Variants in ZNF461 observed in about 807,000 individuals in gnomAD.
ZNF461 encodes zinc finger protein 461, also known as gonadotropin-inducible ovarian transcription factor-1.
In ZNF461, 16 loss-of-function variants were observed where a neutral mutation model predicts 18.3. The observed-to-expected ratio is 0.88, with a 90% confidence interval of 0.59 to 1.33. The LOEUF (loss-of-function observed/expected upper bound fraction) is 1.33, where lower values mean the gene tolerates loss of function less well. Ranked by LOEUF, ZNF461 falls within the 40% of genes most tolerant of loss-of-function variation. The probability of loss-of-function intolerance (pLI) is 0.00; values close to 1 mark genes in which losing one functional copy is unlikely to be tolerated. For missense variants in ZNF461, 595 were observed against 669.9 expected, an observed-to-expected ratio of 0.89 and a Z score of 1.23; for synonymous variants, 179 against 216.9, an observed-to-expected ratio of 0.83 and a Z score of 1.54.
intron 2 of ZNF461, among the ~76,000 whole-genome samples, chr19:36,659,633 C>G (rs1403398627): frequency 6.6e-6 from 1 of 152,166 alleles, no homozygotes; most frequent in Non-Finnish European, 1.5e-5. Flanking sequence ...CTGGAGTGAA[C>G]AAAATCTCTA....
In ZNF461 at chr19:36,638,956, A is replaced by G. The variant is rs2037354271; in HGVS notation, c.1389T>C (p.His463=). 6.2e-7 allele frequency: 1 copy of G among 1,614,116 alleles called. No homozygotes were observed. The highest frequency in any genetic ancestry group is 8.5e-7 in the Non-Finnish European group (1 of 1,180,008). The change falls in exon 6 of 6, where the codon CAT becomes CAC. Residue 463 remains histidine, a synonymous_variant. Transcript: ENST00000588268. ...TGCATTCATGAGGTTTCTCACCAGT[A>G]TGAATTCTCTGATGTCTTTTGAGGT... is the stretch of plus-strand genomic sequence containing the variant. The part of the protein sequence containing the change: ...CSHLKRHQRI[H]TGEKPHECMI...
chr19:36,652,679 T>C (rs1228572893), intron 4 of ZNF461, among the ~76,000 whole-genome samples: 7 of 152,142 alleles, frequency 4.6e-5, no homozygotes, highest in Admixed American at 2.0e-4. Context: ...TAAAAACTTT[T>C]GCTCTGCAAA....
chr19:36,663,967 TA>T (rs1287860167), intron 2 of ZNF461, among the ~76,000 whole-genome samples: 1 of 152,220 alleles, frequency 6.6e-6, no homozygotes, highest in African/African-American at 2.4e-5. Context: ...ATGTATGTGA[TA>T]TTTTTTTCCC....
intron 5 of ZNF461, 75 bp downstream of exon 5, chr19:36,643,719 C>G: frequency 7.2e-7 from 1 of 1,391,850 alleles, no homozygotes; most frequent in Non-Finnish European, 9.4e-7. Context: ...GGGGAATAAA[C>G]ATGTACTTTC....
chr19:36,651,449 A>G (rs1447401941), intron 4 of ZNF461, among the ~76,000 whole-genome samples: 4 of 152,084 alleles, frequency 2.6e-5, no homozygotes, highest in Non-Finnish European at 4.4e-5. Flanking sequence ...CTATTTGTCG[A>G]TAATTTGTTT....
At chr19:36,647,981 A>G (rs1465100153) in intron 4 of ZNF461, among the ~76,000 whole-genome samples, 1 of 152,056 alleles carries the variant, frequency 6.6e-6, no homozygotes, top group African/African-American at 2.4e-5. Context: ...CAGGAGTTCA[A>G]GACCAGGTTG....
intron 4 of ZNF461, among the ~76,000 whole-genome samples, chr19:36,644,130 C>T (rs1042092224): frequency 6.6e-6 from 1 of 152,036 alleles, no homozygotes; most frequent in Non-Finnish European, 1.5e-5. Context: ...AACGGGGTTT[C>T]ACCACTTAGC....
At chr19:36,647,428 T>C (rs912124815) in intron 4 of ZNF461, among the ~76,000 whole-genome samples, 10 of 151,734 alleles carry the variant, frequency 6.6e-5, no homozygotes, top group African/African-American at 2.4e-4. Context: ...TAATCCCAGC[T>C]ACTTGGGAGG....
intron 5 of ZNF461, among the ~76,000 whole-genome samples, chr19:36,640,845 T>G (rs1262886578): frequency 2.6e-5 from 4 of 152,232 alleles, no homozygotes; most frequent in African/African-American, 7.2e-5. Context: ...TCGCTATTGT[T>G]CTGGGTCTCT....
At chr19:36,657,122 CTT>C (rs113948901) in intron 3 of ZNF461, among the ~76,000 whole-genome samples, 1 of 145,292 alleles carries the variant, frequency 6.9e-6, no homozygotes. Context: ...ACCCAGCCTC[CTT>C]TTTTTTTTTA....
intron 3 of ZNF461, chr19:36,658,066 C>G: frequency 2.0e-6 from 1 of 490,598 alleles, no homozygotes; most frequent in Middle Eastern, 5.5e-4. Context: ...CCTTAAACAT[C>G]AAGGAGGAGT....
chr19:36,641,567 G>C (rs1021494944), intron 5 of ZNF461, among the ~76,000 whole-genome samples: 2 of 138,070 alleles, frequency 1.4e-5, no homozygotes, highest in African/African-American at 5.0e-5. Context: ...ATATATATAT[G>C]TTTTTTTACC....
Position 36,637,877 on chromosome 19 carries a change from G to A in ZNF461, c.*776C>T. The A allele has an allele frequency of 5.2e-6, 2 of 381,118 alleles. No individual in the cohort carries two copies. Among genetic ancestry groups the A allele is most frequent in the Admixed American group, 3.5e-5 (1 of 28,628 alleles). The allele number at this position is 381,118 out of a possible 1,614,324, so 23.6% of individuals were successfully genotyped here. ...AGTGGCTACAGAACTGGATGTTAGG[G>A]GAGAATTAATTTTCACATTTTTGGT... On this transcript the variant is annotated 3_prime_UTR_variant, in exon 6 of 6. Coordinates refer to ENST00000588268, the MANE Select transcript of ZNF461 (RefSeq NM_153257.5).
chr19:36,666,300 G>A (rs1462314665), intron 1 of ZNF461, among the ~76,000 whole-genome samples: 1 of 151,898 alleles, frequency 6.6e-6, no homozygotes, highest in Admixed American at 6.6e-5. Context: ...CTCCACGTTG[G>A]CCAGGCTGGT....
At chr19:36,652,273 C>T (rs1320099973) in intron 4 of ZNF461, among the ~76,000 whole-genome samples, 2 of 151,800 alleles carry the variant, frequency 1.3e-5, no homozygotes, top group African/African-American at 4.8e-5. Flanking sequence ...AGGCAGATCG[C>T]CTGAGGTCAG....
At chr19:36,664,087 A>G (rs918939171) in intron 2 of ZNF461, among the ~76,000 whole-genome samples, 1 of 152,182 alleles carries the variant, frequency 6.6e-6, no homozygotes, top group Non-Finnish European at 1.5e-5. Flanking sequence ...AAACACTAAT[A>G]TTTTCTTCAA....
chr19:36,661,523 AAACCT>A (rs1235014195), intron 2 of ZNF461, among the ~76,000 whole-genome samples: 1 of 135,252 alleles, frequency 7.4e-6, no homozygotes, highest in Non-Finnish European at 1.6e-5. Flanking sequence ...TGGTAGAGTA[AAACCT>A]AACTATATTG....
At chr19:36,642,360 CAT>C (rs1167921031) in intron 5 of ZNF461, among the ~76,000 whole-genome samples, 1 of 152,180 alleles carries the variant, frequency 6.6e-6, no homozygotes, top group Non-Finnish European at 1.5e-5. Context: ...CCTCCACCCA[CAT>C]GTCGGGTACC....
intron 4 of ZNF461, among the ~76,000 whole-genome samples, chr19:36,651,498 T>C (rs568883300): frequency 2.4e-4 from 37 of 152,032 alleles, no homozygotes; most frequent in African/African-American, 3.9e-4. Flanking sequence ...CTAGTACTAA[T>C]ATGCAAGTTG....
Sources: gnomAD v4.1 joint callset for allele counts (sites outside exome capture counted in the v4.1 genomes callset) on GRCh38, gnomAD v4.1.1 for gene constraint, MANE v1.5 for transcripts, NCBI Gene and HGNC (gene_info 2026-07-23, HGNC 2026-07-21) for gene names.